RAB5A: variants seen among roughly 807,000 people sequenced by gnomAD.
RAB5A encodes RAB5A, member RAS oncogene family, also known as ras-related protein Rab-5A.
RAB5A carries 8 observed loss-of-function variants against 25.7 expected under a neutral mutation model. The observed-to-expected ratio is 0.31, with a 90% confidence interval of 0.18 to 0.56. RAB5A has a LOEUF of 0.56. Among genes scored for constraint, RAB5A ranks in the 20% least tolerant of loss-of-function variants. RAB5A has a pLI of 0.91. For synonymous variants in RAB5A, 98 were observed against 89.8 expected (o/e 1.09, Z -0.52); for missense variants, 192 against 259.7 (o/e 0.74, Z 1.79).
chr3:19,980,686 A>T (rs1030727975), intron 5 of RAB5A, among the ~76,000 whole-genome samples: 1 of 152,202 alleles, frequency 6.6e-6, no homozygotes, highest in Non-Finnish European at 1.5e-5. Context: ...TACAATATAT[A>T]GTGCTATTTT....
At chr3:19,968,161 C>T (rs566060179) in intron 2 of RAB5A, among the ~76,000 whole-genome samples, 46 of 152,162 alleles carry the variant, frequency 3.0e-4, no homozygotes, top group African/African-American at 1.1e-3. Flanking sequence ...GACCCTTTCT[C>T]CCCTCTCTAG....
rs1321527286 is a variant in RAB5A, at chr3:19,976,123, C to T, written c.392C>T (p.Ser131Leu). 11 of 1,612,168 alleles carry T rather than the reference C, an allele frequency of 6.8e-6. No individual in the cohort carries two copies. The highest frequency in any genetic ancestry group is 2.2e-5 in the South Asian group (2 of 90,746). The change falls in exon 4 of 6, where the codon TCG becomes TTG. Residue 131 changes from serine (S) to leucine (L), a missense_variant. Physicochemically the swap from Ser to Leu is moderately radical, Grantham distance 145. This residue lies in a region of RAB5A where 121 missense variants were observed against 135.7 expected (regional missense o/e 0.89). Transcript: ENST00000273047. ...AGTCCTAACATTGTAATAGCTTTATCGGGAAACAAGGCCGACCTAGCAAAT... is the reference window on the plus strand; with the variant it reads ...AGTCCTAACATTGTAATAGCTTTATTGGGAAACAAGGCCGACCTAGCAAAT... ...QASPNIVIAL[S>L]GNKADLANKR...
intron 2 of RAB5A, 126 bp from the exon 3 acceptor site, chr3:19,975,475 A>G (rs1696811108): frequency 2.3e-6 from 2 of 852,380 alleles, no homozygotes; most frequent in Non-Finnish European, 3.4e-6. Flanking sequence ...TAACTGACAC[A>G]TAATAGTTGT....
intron 5 of RAB5A, 100 bp from the exon 6 acceptor site, chr3:19,983,608 G>C: frequency 2.6e-6 from 2 of 775,424 alleles, no homozygotes; most frequent in South Asian, 1.6e-5. Context: ...ATGATACTTT[G>C]GGGGTAACCT....
intron 5 of RAB5A, among the ~76,000 whole-genome samples, chr3:19,981,267 C>T (rs1282207740): frequency 6.6e-6 from 1 of 152,156 alleles, no homozygotes; most frequent in Non-Finnish European, 1.5e-5. Context: ...TTAGTACATT[C>T]TTAACTTACT....
At chr3:19,977,683 G>A (rs533206637) in intron 4 of RAB5A, among the ~76,000 whole-genome samples, 18 of 152,306 alleles carry the variant, frequency 1.2e-4, no homozygotes, top group Admixed American at 9.2e-4. Flanking sequence ...TCACATAACA[G>A]TTCAGAGGAA....
intron 2 of RAB5A, among the ~76,000 whole-genome samples, chr3:19,952,757 T>C (rs1696442267): frequency 6.6e-6 from 1 of 152,172 alleles, no homozygotes; most frequent in South Asian, 2.1e-4. Context: ...GTGATTTTTT[T>C]TTTCCCTGAA....
rs556754004 is a variant in RAB5A at position 19,971,726 on chromosome 3, C to T, written c.164-3875C>T. Among the ~76,000 whole-genome samples the T allele has an allele frequency of 6.6e-5, 10 of 152,218 alleles. No homozygotes were observed. In the East Asian group the frequency reaches 1.5e-3, roughly 24 times the overall value. On this transcript the variant is annotated intron_variant, in intron 2 of 5. Coordinates refer to ENST00000273047, the MANE Select transcript of RAB5A (RefSeq NM_004162.5). Reference sequence around the variant, plus strand: ...CTGACCTCAGGTGATCCACCTGCCTCGGCCTCCCAAAGTGCTGGGATTACA... The same window carrying T: ...CTGACCTCAGGTGATCCACCTGCCTTGGCCTCCCAAAGTGCTGGGATTACA...
chr3:19,983,607 T>C, intron 5 of RAB5A, 101 bp from the exon 6 acceptor site: 1 of 774,730 alleles, frequency 1.3e-6, no homozygotes, highest in South Asian at 1.6e-5. Flanking sequence ...TATGATACTT[T>C]GGGGGTAACC....
chr3:19,982,763 TAAAAAAA>T (rs62910362), intron 5 of RAB5A, among the ~76,000 whole-genome samples: 1 of 139,832 alleles, frequency 7.2e-6, no homozygotes, highest in Non-Finnish European at 1.6e-5. Flanking sequence ...CCTTGTCTCT[TAAAAAAA>T]AAAAAAAAGA....
At chr3:19,958,188 C>T (rs1016633046) in intron 2 of RAB5A, among the ~76,000 whole-genome samples, 2 of 152,190 alleles carry the variant, frequency 1.3e-5, no homozygotes, top group African/African-American at 4.8e-5. Context: ...ATTCATTCTA[C>T]TTTCTGATAC....
At position 19,985,030 on chromosome 3, in the gene RAB5A, G is replaced by A. The variant is rs957203121; in HGVS notation, c.*1207G>A. On this transcript the variant is annotated 3_prime_UTR_variant, in exon 6 of 6. Coordinates refer to ENST00000273047, the MANE Select transcript of RAB5A (RefSeq NM_004162.5). ...ATTTTCATTATATGAAAGCTACCAT[G>A]TGTCAGAGATGATTTAATCTATTTA... is the stretch of plus-strand genomic sequence containing the variant. 4.9e-6 allele frequency: 1 copy of A among 203,410 alleles called. No homozygotes were observed. The highest frequency in any genetic ancestry group is 9.8e-6 in the Non-Finnish European group (1 of 101,688). 12.6% of individuals were successfully genotyped at this position (203,410 alleles called of 1,614,324 possible). A position where few individuals can be genotyped will look rare whatever the true frequency, so the allele number is the denominator to read the frequency against.
At chr3:19,964,793 G>A (rs1315226389) in intron 2 of RAB5A, among the ~76,000 whole-genome samples, 2 of 152,108 alleles carry the variant, frequency 1.3e-5, no homozygotes, top group African/African-American at 2.4e-5. Context: ...TGTAGTTTTA[G>A]TAGAGACAAG....
chr3:19,965,461 T>C (rs751376315), intron 2 of RAB5A, among the ~76,000 whole-genome samples: 2 of 151,330 alleles, frequency 1.3e-5, no homozygotes, highest in African/African-American at 2.4e-5. Context: ...GTTCAGCTGG[T>C]GACATGTGGC....
At chr3:19,974,314 C>A (rs909110089) in intron 2 of RAB5A, among the ~76,000 whole-genome samples, 5 of 151,968 alleles carry the variant, frequency 3.3e-5, no homozygotes, top group African/African-American at 1.2e-4. Context: ...GCCACCATGT[C>A]GAGCTAATTT....
At chr3:19,970,441 C>T in intron 2 of RAB5A, 2 of 399,616 alleles carry the variant, frequency 5.0e-6, no homozygotes, top group Non-Finnish European at 1.0e-5. Flanking sequence ...TGCTGCCAGG[C>T]TTGCAAATAG....
rs1696978023 is a variant in RAB5A, at chr3:19,983,749, A to G, written c.574A>G (p.Asn192Asp). Residue 192 changes from asparagine (N) to aspartate (D), a missense_variant, in exon 6 of 6, where the codon AAT becomes GAT. Asn to Asp is a conservative substitution (Grantham distance 23, BLOSUM62 1). Coordinates refer to ENST00000273047, the MANE Select transcript of RAB5A (RefSeq NM_004162.5). The stretch of plus-strand genomic sequence containing the variant: ...GAATGAACCACAAAATCCAGGAGCA[A>G]ATTCTGCCAGAGGAAGAGGAGTAGA... ...PKNEPQNPGA[N>D]SARGRGVDLT... The G allele has an allele frequency of 1.2e-6, 2 of 1,612,610 alleles. No homozygotes were observed. Among genetic ancestry groups the G allele is most frequent in the South Asian group, 2.2e-5 (2 of 90,892 alleles).
At chr3:19,967,494 T>A (rs894541070) in intron 2 of RAB5A, among the ~76,000 whole-genome samples, 5 of 152,052 alleles carry the variant, frequency 3.3e-5, no homozygotes, top group African/African-American at 9.7e-5. Flanking sequence ...GTTGTAGGAG[T>A]TCCTTACATT....
At chr3:19,979,290 T>TC (rs1696877589) in intron 5 of RAB5A, among the ~76,000 whole-genome samples, 1 of 146,936 alleles carries the variant, frequency 6.8e-6, no homozygotes, top group Admixed American at 6.8e-5. Context: ...TACTTTCTTT[T>TC]TTTTTTTTTT....
Sources: allele counts gnomAD v4.1 joint callset (sites outside exome capture counted in the v4.1 genomes callset), GRCh38; gene constraint gnomAD v4.1.1; regional missense constraint gnomAD v4.1.1; transcripts MANE v1.5; gene names NCBI Gene and HGNC (gene_info 2026-07-23, HGNC 2026-07-21).